The following CDYL variants were observed in gnomAD, a reference collection of about 807,000 sequenced individuals.
CDYL encodes chromodomain Y like, also known as chromodomain Y-like protein.
CDYL carries 8 observed loss-of-function variants against 47.3 expected under a neutral mutation model. That is an observed-to-expected ratio of 0.17 (90% CI 0.10 to 0.31). The LOEUF is 0.31. Ranked by LOEUF, CDYL falls within the 10% of genes least tolerant of loss-of-function variation. The pLI is 1.00. For synonymous variants in CDYL, 266 were observed against 265.0 expected (o/e 1.00, Z -0.04); for missense variants, 471 against 701.4 (o/e 0.67, Z 3.71).
intron 3 of CDYL, among the ~76,000 whole-genome samples, chr6:4,758,351 A>AATATATATATATATAT (rs56250752): frequency 8.7e-4 from 112 of 129,050 alleles, no homozygotes; most frequent in African/African-American, 3.1e-3. Context: ...AAAATAAATA[A>AATATATATATATATAT]ATATATATAT....
chr6:4,953,761 T>C (rs897759658), intron 6 of CDYL, 137 bp from the exon 7 acceptor site: 13 of 768,626 alleles, frequency 1.7e-5, no homozygotes, highest in Admixed American at 8.2e-5. Flanking sequence ...GCCCGACATA[T>C]TGTGAGAAAA....
chr6:4,896,690 A>C (rs1274065792), intron 2 of CDYL, among the ~76,000 whole-genome samples: 2 of 152,226 alleles, frequency 1.3e-5, no homozygotes, highest in African/African-American at 4.8e-5. Flanking sequence ...ACACTCAGAC[A>C]CTTTTTAAGC....
At chr6:4,895,379 A>G (rs112276816) in intron 2 of CDYL, among the ~76,000 whole-genome samples, 1 of 8,004 alleles carries the variant, frequency 1.2e-4, no homozygotes, top group African/African-American at 1.5e-4. Flanking sequence ...GCATGTATGT[A>G]TATATGTGCA....
intron 1 of CDYL, among the ~76,000 whole-genome samples, chr6:4,858,692 A>C (rs990800816): frequency 6.6e-6 from 1 of 152,220 alleles, no homozygotes; most frequent in African/African-American, 2.4e-5. Flanking sequence ...CAGACTTGCA[A>C]TTTAAGGCTG....
At chr6:4,709,627 C>A (rs541105375) in intron 1 of CDYL, among the ~76,000 whole-genome samples, 1 of 152,292 alleles carries the variant, frequency 6.6e-6, no homozygotes, top group East Asian at 1.9e-4. Context: ...TGTAGAGTGT[C>A]CTTCACTCTC....
intron 3 of CDYL, among the ~76,000 whole-genome samples, chr6:4,750,537 C>A (rs1032440512): frequency 6.6e-6 from 1 of 152,000 alleles, no homozygotes; most frequent in Non-Finnish European, 1.5e-5. Flanking sequence ...AATGGTGGCA[C>A]ATGTAGGTAG....
chr6:4,802,437 G>T (rs1759252463), intron 1 of CDYL, among the ~76,000 whole-genome samples: 2 of 152,118 alleles, frequency 1.3e-5, no homozygotes, highest in African/African-American at 4.8e-5. Flanking sequence ...TACTTGGGAG[G>T]TTGAGGTGGA....
At chr6:4,775,684 C>T (rs1291936578), upstream of CDYL, among the ~76,000 whole-genome samples, 5 of 149,148 alleles carry the variant, frequency 3.4e-5, no homozygotes, top group African/African-American at 1.2e-4. The surrounding 1 kb of genome is among the most constrained non-coding windows in gnomAD (Gnocchi z 7.0). Context: ...CCCGGCCTGC[C>T]GCGGAGCCAG....
At chr6:4,905,716 CA>C in intron 2 of CDYL, among the ~76,000 whole-genome samples, 1 of 152,348 alleles carries the variant, frequency 6.6e-6, no homozygotes, top group African/African-American at 2.4e-5. Flanking sequence ...CCTCTTATGT[CA>C]AGTCTTTGCC....
intron 1 of CDYL, among the ~76,000 whole-genome samples, chr6:4,863,868 A>G (rs554680844): frequency 3.3e-5 from 5 of 152,384 alleles, no homozygotes; most frequent in South Asian, 2.1e-4. Context: ...GAGAAGGTCC[A>G]GTTTAAGTAA....
chr6:4,719,127 G>T (rs556578526), intron 2 of CDYL, among the ~76,000 whole-genome samples: 30 of 152,038 alleles, frequency 2.0e-4, no homozygotes, highest in African/African-American at 7.0e-4. Context: ...GTTTTGCCAT[G>T]TTGGCCAGGC....
At chr6:4,853,859 C>A (rs1478437654) in intron 1 of CDYL, among the ~76,000 whole-genome samples, 1 of 152,266 alleles carries the variant, frequency 6.6e-6, no homozygotes, top group Non-Finnish European at 1.5e-5. Flanking sequence ...ATGGCAGGCA[C>A]CTCTTAGCTG....
intron 1 of CDYL, among the ~76,000 whole-genome samples, chr6:4,816,699 G>C (rs1167018431): frequency 2.0e-5 from 3 of 151,784 alleles, no homozygotes; most frequent in Admixed American, 6.6e-5. Context: ...ATGTTGCCCA[G>C]GCTTGTCTTG....
intron 3 of CDYL, chr6:4,734,955 G>A (rs950150442): frequency 1.3e-6 from 2 of 1,487,884 alleles, no homozygotes; most frequent in African/African-American, 1.4e-5. Context: ...CTGTGCTTGG[G>A]TCCCTTTGGT....
intron 1 of CDYL, among the ~76,000 whole-genome samples, chr6:4,876,421 T>C (rs1761621774): frequency 6.6e-6 from 1 of 152,212 alleles, no homozygotes. Flanking sequence ...TCAGACCTTT[T>C]GCCAAAGTGG....
intron 3 of CDYL, among the ~76,000 whole-genome samples, chr6:4,745,314 A>C (rs897554763): frequency 6.6e-6 from 1 of 152,224 alleles, no homozygotes; most frequent in Non-Finnish European, 1.5e-5. Context: ...CATGGACTCT[A>C]TGAACAAAAA....
intron 1 of CDYL, among the ~76,000 whole-genome samples, chr6:4,880,834 G>A (rs1361405157): frequency 6.6e-6 from 1 of 152,204 alleles, no homozygotes; most frequent in African/African-American, 2.4e-5. Context: ...CATCTTTGGG[G>A]AGATGTCTTT....
chr6:4,862,162 A>C (rs1444828926), intron 1 of CDYL, among the ~76,000 whole-genome samples: 3 of 152,194 alleles, frequency 2.0e-5, no homozygotes, highest in Non-Finnish European at 2.9e-5. Flanking sequence ...AAATAAACAA[A>C]ACACCCTAGA....
chr6:4,798,004 A>G (rs1380714120), intron 1 of CDYL, among the ~76,000 whole-genome samples: 1 of 151,456 alleles, frequency 6.6e-6, no homozygotes, highest in Non-Finnish European at 1.5e-5. Context: ...ACAGGATTTT[A>G]TTCTGTTGCC....
Sources: allele counts gnomAD v4.1 joint callset (sites outside exome capture counted in the v4.1 genomes callset), GRCh38; gene constraint gnomAD v4.1.1; non-coding constraint Gnocchi (gnomAD v3.1); transcripts MANE v1.5; gene names NCBI Gene and HGNC (gene_info 2026-07-23, HGNC 2026-07-21).